MARK1: variants seen among roughly 807,000 people sequenced by gnomAD.
MARK1 encodes the protein microtubule affinity regulating kinase 1, also known as serine/threonine-protein kinase MARK1.
Under a neutral mutation model 96.3 loss-of-function variants are expected in MARK1, and 40 were observed. The observed-to-expected ratio is 0.42, with a 90% CI of 0.32 to 0.54. MARK1 has a LOEUF of 0.54. Ranked by LOEUF, MARK1 falls within the 20% of genes least tolerant of loss-of-function variation. MARK1 has a pLI of 0.16. For missense variants in MARK1, 719 were observed against 984.6 expected (o/e 0.73, Z 3.61); for synonymous variants, 317 against 341.2 (o/e 0.93, Z 0.78).
At chr1:220,605,873 C>T (rs914080118) in intron 6 of MARK1, among the ~76,000 whole-genome samples, 1 of 152,146 alleles carries the variant, frequency 6.6e-6, no homozygotes, top group Non-Finnish European at 1.5e-5. Context: ...CGTAGTATTC[C>T]ATGGTGTATA....
intron 3 of MARK1, among the ~76,000 whole-genome samples, chr1:220,597,789 G>A (rs561763407): frequency 9.9e-5 from 15 of 152,174 alleles, no homozygotes; most frequent in Non-Finnish European, 2.1e-4. Context: ...GTTTCAAGTC[G>A]CTTCTTGTCA....
At chr1:220,643,948 C>T (rs1004712242) in intron 13 of MARK1, among the ~76,000 whole-genome samples, 5 of 152,154 alleles carry the variant, frequency 3.3e-5, no homozygotes, top group Non-Finnish European at 7.3e-5. Context: ...AATTTGTTAC[C>T]AGCCATTACA....
chr1:220,608,288 T>G (rs531650273), intron 6 of MARK1, among the ~76,000 whole-genome samples: 25 of 152,260 alleles, frequency 1.6e-4, no homozygotes, highest in Non-Finnish European at 3.2e-4. Flanking sequence ...CTTGGAAGAG[T>G]GTATGTGTCC....
At chr1:220,658,100 A>G (rs968173024) in intron 17 of MARK1, among the ~76,000 whole-genome samples, 3 of 152,232 alleles carry the variant, frequency 2.0e-5, no homozygotes, top group Non-Finnish European at 4.4e-5. Flanking sequence ...AAGCTAAAGA[A>G]TTAATAGATT....
chr1:220,650,770 A>C, intron 14 of MARK1, 50 bp downstream of exon 14: 1 of 1,370,280 alleles, frequency 7.3e-7, no homozygotes, highest in African/African-American at 1.4e-5. Context: ...GTTCTGTGTT[A>C]GTGCCCTTGC....
intron 13 of MARK1, among the ~76,000 whole-genome samples, chr1:220,644,451 C>G (rs1040117599): frequency 3.7e-3 from 18 of 4,802 alleles, no homozygotes; most frequent in African/African-American, 0.033. Context: ...AGACTTAGAC[C>G]CCCCCCCCCC....
At chr1:220,606,893 G>A (rs1484463379) in intron 6 of MARK1, among the ~76,000 whole-genome samples, 1 of 152,050 alleles carries the variant, frequency 6.6e-6, no homozygotes, top group East Asian at 1.9e-4. Context: ...TTCTGTTTTG[G>A]TACCAGTACC....
At chr1:220,562,286 G>A (rs181926963) in intron 1 of MARK1, among the ~76,000 whole-genome samples, 5 of 152,022 alleles carry the variant, frequency 3.3e-5, no homozygotes, top group East Asian at 3.9e-4. Flanking sequence ...CCAACGTGGC[G>A]AAACCCCATC....
chr1:220,585,122 A>T (rs773576723), intron 3 of MARK1, among the ~76,000 whole-genome samples: 26 of 152,186 alleles, frequency 1.7e-4, no homozygotes, highest in Non-Finnish European at 3.5e-4. Flanking sequence ...TTGAGGGTTA[A>T]AGGTGGGGAT....
chr1:220,595,232 A>G lies in MARK1; in HGVS notation c.310-3099A>G, dbSNP rs372718951. 6.6e-5 allele frequency among the ~76,000 whole-genome samples: 10 copies of G among 152,370 alleles called. No individual in the cohort carries two copies. In the South Asian group the frequency reaches 2.1e-3, roughly 32 times the overall value. ...ATATGTATGTATGTATATGTATATA[A>G]AATGACTTCTGGTGCTACTTTGACT... On this transcript the variant is annotated intron_variant, in intron 3 of 17. Coordinates refer to ENST00000366917, the MANE Select transcript of MARK1 (RefSeq NM_018650.5).
At chr1:220,604,546 TA>T (rs1480250076) in intron 6 of MARK1, among the ~76,000 whole-genome samples, 2 of 152,116 alleles carry the variant, frequency 1.3e-5, no homozygotes, top group South Asian at 4.1e-4. Context: ...TTTTTTTAAT[TA>T]AAGATGTTTT....
intron 9 of MARK1, among the ~76,000 whole-genome samples, chr1:220,621,955 T>C (rs1667074071): frequency 6.6e-6 from 1 of 152,192 alleles, no homozygotes; most frequent in Non-Finnish European, 1.5e-5. Flanking sequence ...TTATTGAAAT[T>C]AGTTTCACAT....
At chr1:220,613,355 G>A (rs1416271170) in intron 6 of MARK1, among the ~76,000 whole-genome samples, 2 of 152,134 alleles carry the variant, frequency 1.3e-5, no homozygotes, top group African/African-American at 4.8e-5. Context: ...TTAATGCAGA[G>A]GATTCTTTGT....
At chr1:220,533,348 G>C (rs2102688372) in intron 1 of MARK1, among the ~76,000 whole-genome samples, 1 of 151,692 alleles carries the variant, frequency 6.6e-6, no homozygotes, top group South Asian at 2.1e-4. Context: ...CTTCACTTCT[G>C]ACCTACATGC....
At chr1:220,544,148 GT>G (rs1661326524) in intron 1 of MARK1, among the ~76,000 whole-genome samples, 1 of 152,162 alleles carries the variant, frequency 6.6e-6, no homozygotes, top group Non-Finnish European at 1.5e-5. Flanking sequence ...GGAATTTCAT[GT>G]TCTTCCCTTC....
chr1:220,591,560 T>C (rs1445164836), intron 3 of MARK1, among the ~76,000 whole-genome samples: 2 of 152,172 alleles, frequency 1.3e-5, no homozygotes, highest in Non-Finnish European at 2.9e-5. Flanking sequence ...ACACAGGAAA[T>C]GCCTGTGCCA....
intron 6 of MARK1, among the ~76,000 whole-genome samples, chr1:220,609,961 T>TAGAA: frequency 6.6e-6 from 1 of 152,198 alleles, no homozygotes; most frequent in African/African-American, 2.4e-5. Context: ...AACTCAACCT[T>TAGAA]TCTCTCTGGC....
intron 1 of MARK1, among the ~76,000 whole-genome samples, chr1:220,569,044 T>C (rs182081041): frequency 5.9e-5 from 9 of 152,326 alleles, no homozygotes; most frequent in African/African-American, 1.9e-4. Context: ...TATGCCTAGT[T>C]CTATACCATC....
At position 220,653,115 on chromosome 1, in the gene MARK1, T is replaced by G. The variant is rs773682931; in HGVS notation, c.1751T>G (p.Val584Gly). The G allele has an allele frequency of 6.2e-7, 1 of 1,614,140 alleles. No individual in the cohort carries two copies. The highest frequency in any genetic ancestry group is 2.2e-5 in the East Asian group (1 of 44,882). The change falls in exon 16 of 18, where the codon GTG becomes GGG. Residue 584 changes from valine (V) to glycine (G), a missense_variant. Val to Gly is a moderately radical substitution (Grantham distance 109). This residue lies in a region of MARK1 where 501 missense variants were observed against 588.3 expected (regional missense o/e 0.85). Coordinates refer to ENST00000366917, the MANE Select transcript of MARK1 (RefSeq NM_018650.5). The stretch of plus-strand genomic sequence containing the variant: ...TGTCCCAGCAGTACAACCCAGAGAG[T>G]GCCTGCTGCTTCCCCATCTGCTCAC... ...EAYRPGTTQRVPAASPSAHSI... is the reference protein window; with the variant it reads ...EAYRPGTTQRGPAASPSAHSI...
Sources: gnomAD v4.1 joint callset for allele counts (sites outside exome capture counted in the v4.1 genomes callset) on GRCh38, gnomAD v4.1.1 for gene constraint, gnomAD v4.1.1 regional missense constraint, MANE v1.5 for transcripts, NCBI Gene and HGNC (gene_info 2026-07-23, HGNC 2026-07-21) for gene names.